Variants in FYN observed in about 807,000 individuals in gnomAD.
The protein encoded by FYN is FYN proto-oncogene, Src family tyrosine kinase.
In FYN, 10 loss-of-function variants were observed where a neutral mutation model predicts 70.2. That is an observed-to-expected ratio of 0.14 (90% CI 0.09 to 0.24). The LOEUF (loss-of-function observed/expected upper bound fraction) is 0.24, where lower values mean the gene tolerates loss of function less well. Among genes scored for constraint, FYN ranks in the 10% least tolerant of loss-of-function variants. FYN has a pLI of 1.00. For synonymous variants in FYN, 236 were observed against 248.6 expected, an observed-to-expected ratio of 0.95 and a Z score of 0.48; for missense variants, 319 against 673.1, an observed-to-expected ratio of 0.47 and a Z score of 5.82.
chr6:111,723,567 A>G (rs1219527676), intron 3 of FYN, among the ~76,000 whole-genome samples: 2 of 152,236 alleles, frequency 1.3e-5, no homozygotes, highest in East Asian at 3.9e-4. Context: ...AGTCATTAAA[A>G]GTTAATCACA....
intron 7 of FYN, 144 bp from the exon 8 acceptor site, chr6:111,703,178 GGAA>G (rs1799920240): frequency 2.9e-6 from 2 of 688,172 alleles, no homozygotes; most frequent in Admixed American, 2.8e-5. Flanking sequence ...CTCAGTAACA[GGAA>G]GAAGATGCTT....
At chr6:111,741,522 T>TATA (rs1801964742) in intron 3 of FYN, among the ~76,000 whole-genome samples, 1 of 17,084 alleles carries the variant, frequency 5.9e-5, no homozygotes, top group African/African-American at 8.7e-4. Flanking sequence ...ATTCATTTTT[T>TATA]ATAACAGTGT....
intron 3 of FYN, among the ~76,000 whole-genome samples, chr6:111,743,015 G>A (rs1360071648): frequency 6.7e-6 from 1 of 149,956 alleles, no homozygotes; most frequent in East Asian, 2.0e-4. Context: ...TGCCCAGGCT[G>A]GAGTGCAGTG....
chr6:111,796,591 T>C (rs1771813044), intron 2 of FYN, among the ~76,000 whole-genome samples: 3 of 152,186 alleles, frequency 2.0e-5, no homozygotes, highest in Admixed American at 1.3e-4. Context: ...TATCTGCTGG[T>C]GGTCTCCAAT....
At chr6:111,714,637 A>C (rs1218491704) in intron 4 of FYN, 194 bp from the exon 5 acceptor site, 1 of 577,364 alleles carries the variant, frequency 1.7e-6, no homozygotes, top group Non-Finnish European at 3.1e-6. Flanking sequence ...TTGTAGGGGA[A>C]GCCTTACTGT....
intron 3 of FYN, among the ~76,000 whole-genome samples, chr6:111,777,087 G>C (rs547354255): frequency 6.6e-6 from 1 of 152,330 alleles, no homozygotes; most frequent in African/African-American, 2.4e-5. Context: ...TGAAGAAGCT[G>C]GGGTTAAAAT....
chr6:111,731,614 G>A (rs551836805), intron 3 of FYN, among the ~76,000 whole-genome samples: 9 of 152,340 alleles, frequency 5.9e-5, no homozygotes, highest in Admixed American at 1.3e-4. Flanking sequence ...ATCCCCTGCC[G>A]TGGTGTAGAA....
At chr6:111,750,118 T>C (rs952870220) in intron 3 of FYN, among the ~76,000 whole-genome samples, 10 of 152,240 alleles carry the variant, frequency 6.6e-5, no homozygotes, top group Non-Finnish European at 1.0e-4. Flanking sequence ...ATTCCTTCCA[T>C]TCTGACTTTC....
At chr6:111,867,066 G>C (rs937346724) in intron 1 of FYN, among the ~76,000 whole-genome samples, 4 of 152,174 alleles carry the variant, frequency 2.6e-5, no homozygotes, top group Non-Finnish European at 5.9e-5. Flanking sequence ...CTGTTCCTGG[G>C]CTTGCTCTCT....
At chr6:111,856,299 T>C (rs773779682) in intron 1 of FYN, among the ~76,000 whole-genome samples, 1 of 152,240 alleles carries the variant, frequency 6.6e-6, no homozygotes, top group Non-Finnish European at 1.5e-5. Context: ...ATGAGAAATA[T>C]TGTGATGTAC....
Position 111,661,646 on chromosome 6 carries a change from C to T in FYN, c.*93G>A, listed in dbSNP as rs538783356. ...CATGCAATCTGATCCTGGGCGGTTC[C>T]GCTGCTGGGGAGCAGCTGGCTACGG... is the stretch of plus-strand genomic sequence containing the variant. On this transcript the variant is annotated 3_prime_UTR_variant, in exon 14 of 14. Coordinates refer to ENST00000354650, the MANE Select transcript of FYN (RefSeq NM_002037.5). This position sits in a 1 kb window ranked among gnomAD's most constrained non-coding sequence, Gnocchi z 4.0. 2.3e-5 allele frequency: 28 copies of T among 1,232,110 alleles called. No individual in the cohort carries two copies. Among genetic ancestry groups the T allele is most frequent in the African/African-American group, 7.5e-5 (5 of 66,456 alleles). 76.3% of individuals were successfully genotyped at this position (1,232,110 alleles called of 1,614,324 possible). A position where few individuals can be genotyped will look rare whatever the true frequency, so the allele number is the denominator to read the frequency against.
intron 5 of FYN, among the ~76,000 whole-genome samples, chr6:111,710,157 G>A (rs1408503734): frequency 1.3e-5 from 2 of 152,258 alleles, no homozygotes; most frequent in African/African-American, 4.8e-5. Context: ...CCAAAATGGC[G>A]AGGAAAAAAT....
chr6:111,744,756 G>T (rs1562501520), intron 3 of FYN, among the ~76,000 whole-genome samples: 3 of 151,940 alleles, frequency 2.0e-5, no homozygotes, highest in Non-Finnish European at 4.4e-5. Flanking sequence ...AAAACAAAGT[G>T]GTATATGCAA....
chr6:111,708,902 C>T (rs1299547471), intron 5 of FYN: 3 of 152,268 alleles, frequency 2.0e-5, no homozygotes, highest in Non-Finnish European at 4.4e-5. Flanking sequence ...CCAGTGAGTA[C>T]ATTAAGCAGT....
intron 4 of FYN, among the ~76,000 whole-genome samples, chr6:111,715,229 A>G (rs2128458111): frequency 1.3e-5 from 2 of 151,036 alleles, no homozygotes; most frequent in East Asian, 3.9e-4. Flanking sequence ...TTTCCTCCAT[A>G]TAATTAGGCA....
Position 111,694,349 on chromosome 6 carries a change from C to G in FYN, c.1273+26G>C. On this transcript the variant is annotated intron_variant, in intron 12 of 13. Coordinates refer to ENST00000354650, the MANE Select transcript of FYN (RefSeq NM_002037.5). This position sits in a 1 kb window ranked among gnomAD's most constrained non-coding sequence, Gnocchi z 5.0. ...GTGACTGTTCTCACAGCTGTGATCA[C>G]GAGCCATTGTCATTCAAGTGCCCAC... 1 of 1,613,014 alleles carries G rather than the reference C, an allele frequency of 6.2e-7. No homozygotes were observed. The highest frequency in any genetic ancestry group is 1.1e-5 in the South Asian group (1 of 90,972).
intron 2 of FYN, among the ~76,000 whole-genome samples, chr6:111,837,872 G>T (rs1773238559): frequency 6.6e-6 from 1 of 152,190 alleles, no homozygotes; most frequent in Non-Finnish European, 1.5e-5. Flanking sequence ...TATCTGGAGG[G>T]ACTATGCAAA....
chr6:111,834,719 C>T lies in FYN; in HGVS notation c.-82+11870G>A, dbSNP rs1025055199. ...AGTTGTACTCAGGAGCTGCAGGCGG[C>T]AGTGCTGGCCTAGGTCTCCCACCCA... On this transcript the variant is annotated intron_variant, in intron 2 of 13. Coordinates refer to ENST00000354650, the MANE Select transcript of FYN (RefSeq NM_002037.5). Among the ~76,000 whole-genome samples the T allele has an allele frequency of 2.0e-5, 3 of 152,208 alleles. No homozygotes were observed. In the East Asian group the frequency reaches 5.8e-4, roughly 29 times the overall value.
At chr6:111,842,782 C>CA (rs1562541777) in intron 2 of FYN, among the ~76,000 whole-genome samples, 1 of 152,172 alleles carries the variant, frequency 6.6e-6, no homozygotes, top group African/African-American at 2.4e-5. Flanking sequence ...ATTTTCCCCC[C>CA]ACAAGACAAT....
Sources: gnomAD v4.1 joint callset for allele counts (sites outside exome capture counted in the v4.1 genomes callset) on GRCh38, gnomAD v4.1.1 for gene constraint, Gnocchi (gnomAD v3.1) non-coding constraint, MANE v1.5 for transcripts, NCBI Gene and HGNC (gene_info 2026-07-23, HGNC 2026-07-21) for gene names.